The following LOXL3 variants were observed in gnomAD, a reference collection of about 807,000 sequenced individuals.
LOXL3 encodes the protein lysyl oxidase like 3.
A neutral mutation model predicts 91.8 loss-of-function variants in LOXL3; 60 were observed. That is an observed-to-expected ratio of 0.65 (90% CI 0.53 to 0.81). The LOEUF (loss-of-function observed/expected upper bound fraction) is 0.81, where lower values mean the gene tolerates loss of function less well. Among genes scored for constraint, LOXL3 ranks in the 30% least tolerant of loss-of-function variants. LOXL3 has a pLI of 0.00. For synonymous variants in LOXL3, 355 were observed against 387.6 expected, an observed-to-expected ratio of 0.92 and a Z score of 0.99; for missense variants, 874 against 1,000.4, an observed-to-expected ratio of 0.87 and a Z score of 1.70.
upstream of LOXL3, chr2:74,554,890 G>A: frequency 1.3e-6 from 2 of 1,590,468 alleles, no homozygotes; most frequent in Non-Finnish European, 1.7e-6. The surrounding 1 kb of genome is among the most constrained non-coding windows in gnomAD (Gnocchi z 4.9). Flanking sequence ...GGAGAGGTGG[G>A]CAGCGGGCTG....
chr2:74,554,926 C>A, upstream of LOXL3: 1 of 1,528,804 alleles, frequency 6.5e-7, no homozygotes, highest in South Asian at 1.2e-5. This position sits in a 1 kb window ranked among gnomAD's most constrained non-coding sequence, Gnocchi z 4.9. Context: ...AGTTGGAGAG[C>A]CTGTGACTTT....
rs1676654927 is a variant in LOXL3, at chr2:74,547,336, A to C, written c.692+2033T>G. ...TAGTGTCTACAACAGTACCTGGCAC[A>C]TAGTAAGATCTCAGTAAATAAATAT... is the stretch of plus-strand genomic sequence containing the variant. On this transcript the variant is annotated intron_variant, in intron 4 of 13. Transcript: ENST00000264094. 2.0e-5 allele frequency among the ~76,000 whole-genome samples: 3 copies of C among 152,228 alleles called. No homozygotes were observed. In the South Asian group the frequency reaches 6.2e-4, roughly 31 times the overall value.
In LOXL3 at chr2:74,536,551, G is replaced by T; in HGVS notation, c.913-80C>A. On this transcript the variant is annotated intron_variant, in intron 5 of 13. Transcript: ENST00000264094. This position sits in a 1 kb window ranked among gnomAD's most constrained non-coding sequence, Gnocchi z 4.5. ...CTAAGCAGACCTGGGAGATGAGTGA[G>T]ACTTTGGTGGAAGGGAGTGGGTGGT... 6.7e-7 allele frequency: 1 copy of T among 1,499,674 alleles called. No individual in the cohort carries two copies. Among genetic ancestry groups the T allele is most frequent in the Non-Finnish European group, 9.1e-7 (1 of 1,104,960 alleles). The allele number at this position is 1,499,674 out of a possible 1,614,324, so 92.9% of individuals were successfully genotyped here.
At chr2:74,555,528 G>C (rs1483543112), upstream of LOXL3, 1 of 1,613,118 alleles carries the variant, frequency 6.2e-7, no homozygotes, top group African/African-American at 1.3e-5. The surrounding 1 kb of genome is among the most constrained non-coding windows in gnomAD (Gnocchi z 6.1). Flanking sequence ...ACCGACCCCC[G>C]CTCCCCGCTG....
At chr2:74,548,647 A>G (rs1040638009) in intron 4 of LOXL3, among the ~76,000 whole-genome samples, 1 of 152,176 alleles carries the variant, frequency 6.6e-6, no homozygotes, top group African/African-American at 2.4e-5. Context: ...CCTGGCTGTC[A>G]ATGGCAGTTT....
At chr2:74,550,777 T>C (rs1411221022) in intron 2 of LOXL3, among the ~76,000 whole-genome samples, 2 of 152,176 alleles carry the variant, frequency 1.3e-5, no homozygotes, top group African/African-American at 2.4e-5. Flanking sequence ...AGCAACTTGC[T>C]TAAGACCATA....
In LOXL3 at chr2:74,552,346, T is replaced by C; in HGVS notation, c.289A>G (p.Ser97Gly). The C allele has an allele frequency of 1.2e-6, 2 of 1,603,824 alleles. No homozygotes were observed. The highest frequency in any genetic ancestry group is 1.7e-6 in the Non-Finnish European group (2 of 1,171,374). Residue 97 changes from serine (S) to glycine (G), a missense_variant, in exon 2 of 14, where the codon AGT becomes GGT. Physicochemically the swap from Ser to Gly is moderately conservative, Grantham distance 56. Transcript: ENST00000264094. ...GFTEATGWTH[S>G]AKYGPGTGRI... ...CCTGTTCCAGGGCCATATTTGGCAC[T>C]GTGGGTCCAGCCTGTGGCCTCTGTG...
In LOXL3 at chr2:74,549,147, G is replaced by A; in HGVS notation, c.692+222C>T. ...GCCCAGGCGTCGGCCACGAGAGAGC[G>A]GGAGCCTCGCTGGTCCCCATTTCAG... is the stretch of plus-strand genomic sequence containing the variant. On this transcript the variant is annotated intron_variant, in intron 4 of 13. Coordinates refer to ENST00000264094, the MANE Select transcript of LOXL3 (RefSeq NM_032603.5). The surrounding 1 kb of genome is among the most constrained non-coding windows in gnomAD (Gnocchi z 5.3). 1 of 431,170 alleles carries A rather than the reference G, an allele frequency of 2.3e-6. No individual in the cohort carries two copies. The highest frequency in any genetic ancestry group is 4.0e-6 in the Non-Finnish European group (1 of 252,494). The allele number at this position is 431,170 out of a possible 1,614,324, so 26.7% of individuals were successfully genotyped here.
chr2:74,537,436 C>T (rs1029892376), intron 4 of LOXL3, among the ~76,000 whole-genome samples: 6 of 152,156 alleles, frequency 3.9e-5, no homozygotes, highest in African/African-American at 1.4e-4. Context: ...TCCATAGCTC[C>T]GCAGAGGCCA....
At chr2:74,547,395 T>G (rs1351316466) in intron 4 of LOXL3, among the ~76,000 whole-genome samples, 2 of 152,224 alleles carry the variant, frequency 1.3e-5, no homozygotes, top group African/African-American at 4.8e-5. Flanking sequence ...TTGTTCACGC[T>G]ATCTTCTTCA....
chr2:74,552,596 C>A lies in LOXL3; in HGVS notation c.39G>T (p.Gly13=). ...PVSVWQWSPW[G]LLLCLLCSSC... is the part of the protein sequence containing the mutation. The stretch of plus-strand genomic sequence containing the variant: ...AACTGCACAGCAGGCACAGCAGCAG[C>A]CCCCAGGGGCTCCACTGCCAGACAC... Residue 13 remains glycine (G), a synonymous_variant, in exon 2 of 14, where the codon GGG becomes GGT. Coordinates refer to ENST00000264094, the MANE Select transcript of LOXL3 (RefSeq NM_032603.5). 3 of 1,589,380 alleles carry A rather than the reference C, an allele frequency of 1.9e-6. No homozygotes were observed. The highest frequency in any genetic ancestry group is 2.6e-6 in the Non-Finnish European group (3 of 1,163,542).
chr2:74,536,241 C>T lies in LOXL3; in HGVS notation c.1093+50G>A. The T allele has an allele frequency of 6.2e-7, 1 of 1,611,208 alleles. No individual in the cohort carries two copies. Among genetic ancestry groups the T allele is most frequent in the African/African-American group, 1.3e-5 (1 of 75,024 alleles). On this transcript the variant is annotated intron_variant, in intron 6 of 13. Coordinates refer to ENST00000264094, the MANE Select transcript of LOXL3 (RefSeq NM_032603.5). The surrounding 1 kb of genome is among the most constrained non-coding windows in gnomAD (Gnocchi z 4.5). ...TAACCTTCCGAAGGAATATGCCCCCCAGGAGCATGTACCTCCTTCCCTCTC... is the reference window on the plus strand; with the variant it reads ...TAACCTTCCGAAGGAATATGCCCCCTAGGAGCATGTACCTCCTTCCCTCTC...
intron 4 of LOXL3, among the ~76,000 whole-genome samples, chr2:74,547,602 C>G (rs992214076): frequency 5.3e-5 from 8 of 151,748 alleles, no homozygotes; most frequent in African/African-American, 1.7e-4. Flanking sequence ...TTCAGATGAG[C>G]CTCAGAGCCA....
In LOXL3 at chr2:74,532,856, T is replaced by C; in HGVS notation, c.*750A>G. On this transcript the variant is annotated 3_prime_UTR_variant, in exon 14 of 14. Coordinates refer to ENST00000264094, the MANE Select transcript of LOXL3 (RefSeq NM_032603.5). ...GGCCTGGTGATGTGATTTTGGCCAT[T>C]GGGGAGCAGATGGTACAAAATGCTG... is the stretch of plus-strand genomic sequence containing the variant. 6.2e-7 allele frequency: 1 copy of C among 1,614,140 alleles called. No homozygotes were observed. The highest frequency in any genetic ancestry group is 1.1e-5 in the South Asian group (1 of 91,076).
intron 4 of LOXL3, among the ~76,000 whole-genome samples, chr2:74,539,138 G>A (rs1045767938): frequency 6.6e-6 from 1 of 152,164 alleles, no homozygotes; most frequent in African/African-American, 2.4e-5. Flanking sequence ...CTGACCACTC[G>A]GGGTTTGGGT....
intron 9 of LOXL3, 89 bp from the exon 10 acceptor site, chr2:74,534,863 T>C: frequency 7.0e-7 from 1 of 1,427,166 alleles, no homozygotes; most frequent in Non-Finnish European, 9.5e-7. Context: ...GTAAGACTAG[T>C]TTTTTGTTTT....
chr2:74,537,487 G>C (rs1360780838), intron 4 of LOXL3, among the ~76,000 whole-genome samples: 1 of 152,248 alleles, frequency 6.6e-6, no homozygotes, highest in African/African-American at 2.4e-5. Flanking sequence ...GATGCAGCAA[G>C]AACAGACCAG....
rs1009274930 is a variant in LOXL3 at position 74,532,478 on chromosome 2, G to A, written c.*1128C>T. The A allele has an allele frequency of 1.4e-6, 1 of 713,270 alleles. No homozygotes were observed. The highest frequency in any genetic ancestry group is 2.5e-6 in the Non-Finnish European group (1 of 395,362). The allele number at this position is 713,270 out of a possible 1,614,324, so 44.2% of individuals were successfully genotyped here. On this transcript the variant is annotated 3_prime_UTR_variant, in exon 14 of 14. Transcript: ENST00000264094. ...GCACTTTATTGCTAGAAGACAGAAA[G>A]TGAGTTGCCATTGTATTTTGTAGTA...
At chr2:74,537,033 T>A in intron 4 of LOXL3, 105 bp from the exon 5 acceptor site, 1 of 840,604 alleles carries the variant, frequency 1.2e-6, no homozygotes, top group Non-Finnish European at 1.9e-6. Context: ...CCCACCCTTT[T>A]GTGACCATTT....
Sources: gnomAD v4.1 joint callset for allele counts (sites outside exome capture counted in the v4.1 genomes callset) on GRCh38, gnomAD v4.1.1 for gene constraint, Gnocchi (gnomAD v3.1) non-coding constraint, MANE v1.5 for transcripts, NCBI Gene and HGNC (gene_info 2026-07-23, HGNC 2026-07-21) for gene names.